Variants in TMEM232 observed in about 807,000 individuals in gnomAD.
TMEM232 encodes the protein transmembrane protein 232.
TMEM232 carries 80 observed loss-of-function variants against 78.8 expected under a neutral mutation model. The observed-to-expected ratio is 1.01, with a 90% CI of 0.85 to 1.22. TMEM232 has a LOEUF of 1.22. Ranked by LOEUF, TMEM232 falls within the 50% of genes most tolerant of loss-of-function variation. The pLI is 0.00. For missense variants in TMEM232, 881 were observed against 742.2 expected (o/e 1.19, Z -2.17); for synonymous variants, 297 against 254.3 (o/e 1.17, Z -1.60).
Position 110,525,889 on chromosome 5 carries a change from A to G in TMEM232, c.1703+2699T>C, listed in dbSNP as rs1242682313. ...GAATAAAAAATTCAGAATTAGACAA[A>G]AAAAGAAATGGGAATTTAGTATTTG... On this transcript the variant is annotated intron_variant, in intron 12 of 13. Transcript: ENST00000455884. Among the ~76,000 whole-genome samples the G allele has an allele frequency of 3.3e-5, 5 of 151,422 alleles. No homozygotes were observed. The South Asian group carries it at 6.2e-4, about 19-fold the overall frequency.
chr5:110,488,550 G>C (rs560923090), intron 12 of TMEM232, among the ~76,000 whole-genome samples: 1 of 152,056 alleles, frequency 6.6e-6, no homozygotes, highest in South Asian at 2.1e-4. Context: ...AAACACAACA[G>C]ACCAGAATTT....
intron 8 of TMEM232, among the ~76,000 whole-genome samples, chr5:110,614,594 CA>C (rs1372347801): frequency 1.3e-5 from 2 of 152,030 alleles, no homozygotes; most frequent in Non-Finnish European, 2.9e-5. Context: ...TATTCTTAAT[CA>C]GCTACATTTA....
Position 110,430,436 on chromosome 5 carries a change from T to C in TMEM232, c.1704-5520A>G, listed in dbSNP as rs1326047287. On this transcript the variant is annotated intron_variant, in intron 12 of 13. Transcript: ENST00000455884. ...ATACTATCCCTGAAGCAATAATTACTTGAAAGGAAAATAAATTCCTTCCTC... is the reference window on the plus strand; with the variant it reads ...ATACTATCCCTGAAGCAATAATTACCTGAAAGGAAAATAAATTCCTTCCTC... 2.6e-5 allele frequency among the ~76,000 whole-genome samples: 4 copies of C among 151,696 alleles called. No homozygotes were observed. The East Asian group carries it at 7.8e-4, about 29-fold the overall frequency.
intron 12 of TMEM232, among the ~76,000 whole-genome samples, chr5:110,505,849 G>A (rs578216236): frequency 1.2e-4 from 19 of 152,038 alleles, no homozygotes; most frequent in Non-Finnish European, 2.1e-4. Flanking sequence ...TATACAAAAC[G>A]AAACCATGCT....
rs3985014 is a variant in TMEM232 at position 110,726,108 on chromosome 5, T to TCACACACACACACA, written c.-13+505_-13+518dup. Among the ~76,000 whole-genome samples, 383 of 144,630 alleles carry TCACACACACACACA rather than the reference T, an allele frequency of 2.6e-3. 3 individuals are homozygous for TCACACACACACACA. Among genetic ancestry groups the TCACACACACACACA allele is most frequent in the African/African-American group, 6.8e-3 (266 of 39,178 alleles). The allele number at this position is 144,630 out of a possible 152,430, so 94.9% of individuals were successfully genotyped here. ...TCTCCAATATACCCCCCTCTCTCTT[T>TCACACACACACACA]CACACACACACACACACACACACAC... On this transcript the variant is annotated intron_variant, in intron 1 of 13. Coordinates refer to ENST00000455884, the MANE Select transcript of TMEM232 (RefSeq NM_001039763.4).
intron 12 of TMEM232, among the ~76,000 whole-genome samples, chr5:110,455,239 C>T (rs868817126): frequency 1.1e-4 from 16 of 152,200 alleles, no homozygotes; most frequent in African/African-American, 3.8e-4. Flanking sequence ...AGATATAATG[C>T]CAATTTTACA....
At chr5:110,639,370 G>C (rs1260863607) in intron 4 of TMEM232, among the ~76,000 whole-genome samples, 1 of 152,168 alleles carries the variant, frequency 6.6e-6, no homozygotes, top group East Asian at 1.9e-4. Flanking sequence ...TCCTTCTGCT[G>C]TATGTAACAG....
chr5:110,462,072 T>C (rs921882169), intron 12 of TMEM232, among the ~76,000 whole-genome samples: 1 of 152,210 alleles, frequency 6.6e-6, no homozygotes, highest in African/African-American at 2.4e-5. Context: ...GAAATACATT[T>C]TGTAAGACTG....
intron 12 of TMEM232, among the ~76,000 whole-genome samples, chr5:110,493,807 G>A (rs973292456): frequency 6.6e-6 from 1 of 151,442 alleles, no homozygotes; most frequent in Admixed American, 6.6e-5. Context: ...ATACTTTTAA[G>A]TTCTGGGGTG....
chr5:110,596,863 C>T (rs1445138903), intron 10 of TMEM232, among the ~76,000 whole-genome samples: 4 of 152,092 alleles, frequency 2.6e-5, no homozygotes, highest in East Asian at 1.9e-4. Flanking sequence ...TGGGACGTAT[C>T]TCAAAATAAT....
chr5:110,731,823 C>T (rs1027417415), intron 2 of TMEM232, among the ~76,000 whole-genome samples: 9 of 152,262 alleles, frequency 5.9e-5, no homozygotes, highest in African/African-American at 1.4e-4. Flanking sequence ...TGGGGATTAA[C>T]ATTAGGCTCC....
intron 11 of TMEM232, among the ~76,000 whole-genome samples, chr5:110,534,025 C>G (rs571165689): frequency 6.6e-6 from 1 of 152,194 alleles, no homozygotes; most frequent in Non-Finnish European, 1.5e-5. Flanking sequence ...ACATCAAGCT[C>G]CAGGATTTGC....
intron 8 of TMEM232, among the ~76,000 whole-genome samples, chr5:110,607,510 T>A (rs181267268): frequency 9.9e-4 from 151 of 152,154 alleles, no homozygotes; most frequent in Non-Finnish European, 1.8e-3. Context: ...GTTAGCCCCC[T>A]CAAGATGGAA....
chr5:110,573,720 A>T (rs1777223583), intron 10 of TMEM232, among the ~76,000 whole-genome samples: 1 of 152,106 alleles, frequency 6.6e-6, no homozygotes, highest in African/African-American at 2.4e-5. Context: ...CAAAACTTCC[A>T]TGAGGAGGTG....
intron 12 of TMEM232, among the ~76,000 whole-genome samples, chr5:110,508,177 T>C (rs1204732046): frequency 6.6e-6 from 1 of 152,148 alleles, no homozygotes; most frequent in African/African-American, 2.4e-5. Flanking sequence ...TAGTGAACTA[T>C]TGTGAACAGC....
intron 2 of TMEM232, among the ~76,000 whole-genome samples, chr5:110,652,294 G>GCGCGCGCGCACACA (rs1554069154): frequency 6.9e-6 from 1 of 145,360 alleles, no homozygotes; most frequent in African/African-American, 2.6e-5. Flanking sequence ...GCACGCGCGC[G>GCGCGCGCGCACACA]CACACACACA....
intron 1 of TMEM232, among the ~76,000 whole-genome samples, chr5:110,697,118 C>T (rs976205645): frequency 6.6e-6 from 1 of 152,018 alleles, no homozygotes; most frequent in Non-Finnish European, 1.5e-5. Flanking sequence ...CAACGGAACA[C>T]AACAGAGCCC....
intron 1 of TMEM232, among the ~76,000 whole-genome samples, chr5:110,709,617 A>C (rs1157655771): frequency 6.6e-6 from 1 of 152,114 alleles, no homozygotes; most frequent in African/African-American, 2.4e-5. Flanking sequence ...AAATTAAACG[A>C]TGCGCACCTG....
chr5:110,676,390 G>T (rs891533916), intron 1 of TMEM232, among the ~76,000 whole-genome samples: 34 of 150,744 alleles, frequency 2.3e-4, no homozygotes. Flanking sequence ...TAGTGTACAG[G>T]GTTCCCTTTT....
Sources: gnomAD v4.1 joint callset for allele counts (sites outside exome capture counted in the v4.1 genomes callset) on GRCh38, gnomAD v4.1.1 for gene constraint, MANE v1.5 for transcripts, NCBI Gene and HGNC (gene_info 2026-07-23, HGNC 2026-07-21) for gene names.